Variants in STX12 observed in about 807,000 individuals in gnomAD.
STX12 encodes the protein syntaxin 12.
STX12 carries 17 observed loss-of-function variants against 42.2 expected under a neutral mutation model. The observed-to-expected ratio is 0.40, with a 90% CI of 0.28 to 0.60. The LOEUF (loss-of-function observed/expected upper bound fraction) is 0.60. Among genes scored for constraint, STX12 ranks in the 20% least tolerant of loss-of-function variants. The probability of loss-of-function intolerance (pLI) is 0.39; values close to 1 mark genes in which losing one functional copy is unlikely to be tolerated. For missense variants in STX12, 297 were observed against 330.9 expected (o/e 0.90, Z 0.79); for synonymous variants, 108 against 116.7 (o/e 0.93, Z 0.48).
At chr1:27,799,423 A>C (rs557393174) in intron 3 of STX12, among the ~76,000 whole-genome samples, 1 of 151,382 alleles carries the variant, frequency 6.6e-6, no homozygotes, top group South Asian at 2.1e-4. Flanking sequence ...TTCTTGCTCA[A>C]AAATCTTCAT....
chr1:27,806,148 C>A (rs762479092), intron 4 of STX12, among the ~76,000 whole-genome samples: 2 of 152,130 alleles, frequency 1.3e-5, no homozygotes, highest in African/African-American at 4.8e-5. Context: ...GAAACTCTTA[C>A]AATGGTAGAT....
chr1:27,794,836 C>T (rs2088773453), intron 3 of STX12, among the ~76,000 whole-genome samples: 1 of 152,104 alleles, frequency 6.6e-6, no homozygotes, highest in African/African-American at 2.4e-5. Context: ...ATCCTCCCAA[C>T]TCAGCCTCCT....
At chr1:27,812,109 G>T in intron 5 of STX12, 54 bp from the exon 6 acceptor site, 1 of 1,415,136 alleles carries the variant, frequency 7.1e-7, no homozygotes, top group Non-Finnish European at 9.8e-7. Flanking sequence ...TTGGAGATAT[G>T]TCTTGTTATG....
intron 8 of STX12, among the ~76,000 whole-genome samples, chr1:27,821,814 C>T (rs1478434853): frequency 1.3e-5 from 2 of 152,104 alleles, no homozygotes; most frequent in Admixed American, 6.5e-5. Flanking sequence ...GTCAGGAGTT[C>T]GAGATCAGCC....
rs115867877 is a variant in STX12, at chr1:27,819,966, A to G, written c.732+234A>G. On this transcript the variant is annotated intron_variant, in intron 8 of 8. Coordinates refer to ENST00000373943, the MANE Select transcript of STX12 (RefSeq NM_177424.3). The stretch of plus-strand genomic sequence containing the variant: ...GGCTAGTAACTGCAAAGCTAACCCT[A>G]TACACTAATATGATACCTAAATCTG... The G allele has an allele frequency of 2.7e-3, 1,033 of 387,402 alleles. 7 individuals are homozygous for G. Among genetic ancestry groups the G allele is most frequent in the African/African-American group, 0.019 (924 of 48,914 alleles). The allele number at this position is 387,402 out of a possible 1,614,324, so 24.0% of individuals were successfully genotyped here. A position where few individuals can be genotyped will look rare whatever the true frequency, so the allele number is the denominator to read the frequency against.
rs536133932 is a variant in STX12 at position 27,802,337 on chromosome 1, G to T, written c.426+522G>T. ...TCCTCATGGCATGGGGAGGATAAAA[G>T]TCAAAGCCAAAGGTCCATGCAAGAG... is the stretch of plus-strand genomic sequence containing the variant. On this transcript the variant is annotated intron_variant, in intron 4 of 8. Transcript: ENST00000373943. Among the ~76,000 whole-genome samples the T allele has an allele frequency of 3.9e-5, 6 of 152,328 alleles. No individual in the cohort carries two copies. In the South Asian group the frequency reaches 1.0e-3, roughly 26 times the overall value.
At chr1:27,806,980 C>T (rs1047255980) in intron 4 of STX12, among the ~76,000 whole-genome samples, 7 of 152,120 alleles carry the variant, frequency 4.6e-5, no homozygotes, top group African/African-American at 7.2e-5. Flanking sequence ...TCCCTCCCTT[C>T]GCACGTTGGG....
intron 3 of STX12, among the ~76,000 whole-genome samples, chr1:27,794,596 A>G (rs1250305926): frequency 4.6e-5 from 7 of 152,050 alleles, no homozygotes; most frequent in Non-Finnish European, 2.9e-5. Context: ...TTGTGGCTTG[A>G]CTTGTCATTC....
intron 3 of STX12, among the ~76,000 whole-genome samples, chr1:27,800,803 G>A (rs2088823071): frequency 6.6e-6 from 1 of 152,104 alleles, no homozygotes; most frequent in South Asian, 2.1e-4. Flanking sequence ...ATAGGCATAA[G>A]CCACTGTGCT....
At chr1:27,792,278 A>ATATATGTAGATACATATATATGTATC (rs2088753159) in intron 2 of STX12, among the ~76,000 whole-genome samples, 2 of 134,374 alleles carry the variant, frequency 1.5e-5, no homozygotes, top group Non-Finnish European at 3.1e-5. Context: ...ATGTATCTAT[A>ATATATGTAGATACATATATATGTATC]TATATGTAGA....
intron 6 of STX12, among the ~76,000 whole-genome samples, chr1:27,816,169 G>A (rs2088939838): frequency 6.6e-6 from 1 of 152,052 alleles, no homozygotes; most frequent in South Asian, 2.1e-4. Context: ...TAAAGAATTA[G>A]CCAGGCATGG....
chr1:27,809,061 C>T lies in STX12; in HGVS notation c.427-1185C>T, dbSNP rs184267597. Reference sequence around the variant, plus strand: ...TGAAAATAAAGGTTAGTGGGCTGGGCGCTGTGGCTCACGCCTGTAATCCCA... The same window carrying T: ...TGAAAATAAAGGTTAGTGGGCTGGGTGCTGTGGCTCACGCCTGTAATCCCA... On this transcript the variant is annotated intron_variant, in intron 4 of 8. Coordinates refer to ENST00000373943, the MANE Select transcript of STX12 (RefSeq NM_177424.3). 1.7e-3 allele frequency among the ~76,000 whole-genome samples: 254 copies of T among 152,256 alleles called. 2 individuals are homozygous for T. Among genetic ancestry groups the T allele is most frequent in the African/African-American group, 5.7e-3 (236 of 41,560 alleles).
At chr1:27,797,331 G>A (rs7531841) in intron 3 of STX12, among the ~76,000 whole-genome samples, 18,212 of 152,110 alleles carry the variant, frequency 0.12, 3,627 homozygotes, top group African/African-American at 0.41. Flanking sequence ...TTCTGGGATT[G>A]CAGGTGTGAG....
chr1:27,811,933 T>C (rs2088905785), intron 5 of STX12: 1 of 609,208 alleles, frequency 1.6e-6, no homozygotes, highest in African/African-American at 1.8e-5. Flanking sequence ...CCGTCATAAT[T>C]CTGCCACATG....
chr1:27,779,333 G>GT lies in STX12; in HGVS notation c.118+5917dup, dbSNP rs201348411. Among the ~76,000 whole-genome samples the GT allele has an allele frequency of 3.8e-3, 502 of 131,720 alleles. 11 individuals are homozygous for GT. The East Asian group carries it at 0.076, about 20-fold the overall frequency. 86.4% of individuals were successfully genotyped at this position (131,720 alleles called of 152,430 possible). A position where few individuals can be genotyped will look rare whatever the true frequency, so the allele number is the denominator to read the frequency against. ...GAATCAGATGGTTTTTTTTGTTTTT[G>GT]TTTTTTTTTGTTTTTTTTTGAGCCA... On this transcript the variant is annotated intron_variant, in intron 1 of 8. Coordinates refer to ENST00000373943, the MANE Select transcript of STX12 (RefSeq NM_177424.3).
chr1:27,778,646 A>G (rs1048777814), intron 1 of STX12, among the ~76,000 whole-genome samples: 1 of 151,758 alleles, frequency 6.6e-6, no homozygotes, highest in African/African-American at 2.4e-5. Flanking sequence ...AACCAAGACC[A>G]AGATCGCTCC....
intron 2 of STX12, among the ~76,000 whole-genome samples, chr1:27,789,903 C>A (rs1481431672): frequency 1.3e-5 from 2 of 152,142 alleles, no homozygotes; most frequent in African/African-American, 4.8e-5. Flanking sequence ...GGAATTCGTA[C>A]CACTATTAAA....
At chr1:27,803,815 A>G (rs1233684406) in intron 4 of STX12, among the ~76,000 whole-genome samples, 1 of 152,116 alleles carries the variant, frequency 6.6e-6, no homozygotes, top group Non-Finnish European at 1.5e-5. Flanking sequence ...CAGCCTGGCC[A>G]ACATGGTGAA....
At chr1:27,787,063 T>C (rs1029505552) in intron 1 of STX12, among the ~76,000 whole-genome samples, 163 of 152,282 alleles carry the variant, frequency 1.1e-3, no homozygotes, top group Non-Finnish European at 7.4e-5. Flanking sequence ...AGAGAAGTCT[T>C]GTCAAAAGGC....
Sources: allele counts gnomAD v4.1 joint callset (sites outside exome capture counted in the v4.1 genomes callset), GRCh38; gene constraint gnomAD v4.1.1; transcripts MANE v1.5; gene names NCBI Gene and HGNC (gene_info 2026-07-23, HGNC 2026-07-21).